Variants in DPP10 observed in about 807,000 individuals in gnomAD.
DPP10 encodes the protein inactive dipeptidyl peptidase 10.
In DPP10, 33 loss-of-function variants were observed where a neutral mutation model predicts 120.9. That is an observed-to-expected ratio of 0.27 (90% CI 0.21 to 0.37). The LOEUF (loss-of-function observed/expected upper bound fraction) is 0.37, where lower values mean the gene tolerates loss of function less well. Ranked by LOEUF, DPP10 falls within the 10% of genes least tolerant of loss-of-function variation. The pLI, the probability that DPP10 is intolerant of heterozygous loss-of-function variation, is 1.00. For synonymous variants in DPP10, 337 were observed against 326.1 expected, an observed-to-expected ratio of 1.03 and a Z score of -0.36; for missense variants, 816 against 942.8, an observed-to-expected ratio of 0.87 and a Z score of 1.76.
intron 1 of DPP10, among the ~76,000 whole-genome samples, chr2:115,059,464 TG>T (rs1157193562): frequency 6.6e-6 from 1 of 151,766 alleles, no homozygotes; most frequent in Middle Eastern, 3.2e-3. Context: ...GTGCTTTGTG[TG>T]GCAGAGCTGT....
At chr2:115,342,437 C>A (rs1189452067) in intron 2 of DPP10, among the ~76,000 whole-genome samples, 2 of 152,106 alleles carry the variant, frequency 1.3e-5, no homozygotes, top group Non-Finnish European at 2.9e-5. Flanking sequence ...TGGCCTGGAG[C>A]TCCTGTCCTC....
At chr2:115,656,503 G>C (rs1316399506) in intron 5 of DPP10, among the ~76,000 whole-genome samples, 1 of 151,512 alleles carries the variant, frequency 6.6e-6, no homozygotes, top group Non-Finnish European at 1.5e-5. Context: ...TATAAAAAAG[G>C]AGAAAGATCA....
chr2:115,443,500 G>A (rs2072271255), intron 3 of DPP10, among the ~76,000 whole-genome samples: 1 of 152,060 alleles, frequency 6.6e-6, no homozygotes, highest in Non-Finnish European at 1.5e-5. Context: ...TTACTCTAAT[G>A]GAATTAAGAA....
chr2:114,653,528 G>A (rs1212613048), intron 1 of DPP10, among the ~76,000 whole-genome samples: 1 of 152,190 alleles, frequency 6.6e-6, no homozygotes. Context: ...TTGGGGTCGG[G>A]AGGTGGGGCA....
chr2:115,659,884 A>C (rs2088762944), intron 5 of DPP10, among the ~76,000 whole-genome samples: 2 of 152,296 alleles, frequency 1.3e-5, no homozygotes, highest in South Asian at 4.1e-4. Flanking sequence ...GCCATGAGTC[A>C]TTTTTAAAAT....
intron 3 of DPP10, among the ~76,000 whole-genome samples, chr2:115,457,843 G>A (rs954553908): frequency 2.6e-5 from 4 of 152,058 alleles, no homozygotes; most frequent in African/African-American, 9.7e-5. Context: ...ATACAGCTAT[G>A]CAAAATCTTG....
At chr2:115,365,337 T>C (rs530043623) in intron 3 of DPP10, among the ~76,000 whole-genome samples, 17 of 152,048 alleles carry the variant, frequency 1.1e-4, no homozygotes, top group African/African-American at 3.4e-4. Flanking sequence ...TAGGAATAAT[T>C]TGGACTCTCA....
intron 1 of DPP10, among the ~76,000 whole-genome samples, chr2:115,096,871 G>A (rs114421068): frequency 0.011 from 1,600 of 152,224 alleles, 10 homozygotes; most frequent in Middle Eastern, 0.044. Context: ...GATACACAGT[G>A]TGTATGATTA....
At chr2:115,601,156 G>A (rs977355) in intron 5 of DPP10, among the ~76,000 whole-genome samples, 150,523 of 152,326 alleles carry the variant, frequency 0.99, 74,399 homozygotes, top group East Asian at 1. Context: ...AAACTATAGC[G>A]GATAGTCATT....
At chr2:115,342,654 A>T (rs1033058355) in intron 2 of DPP10, among the ~76,000 whole-genome samples, 6 of 152,190 alleles carry the variant, frequency 3.9e-5, no homozygotes, top group Non-Finnish European at 5.9e-5. Context: ...GAATTAAGAA[A>T]TTCTGGTGTG....
intron 1 of DPP10, among the ~76,000 whole-genome samples, chr2:115,253,719 G>T (rs2058851566): frequency 6.6e-6 from 1 of 152,238 alleles, no homozygotes; most frequent in Admixed American, 6.5e-5. Context: ...CAAGGGGTTG[G>T]CTCCCAAGGG....
chr2:115,130,480 CCATG>C (rs1270573708), intron 1 of DPP10, among the ~76,000 whole-genome samples: 2 of 145,642 alleles, frequency 1.4e-5, no homozygotes, highest in African/African-American at 5.2e-5. Context: ...ATGCATCCAT[CCATG>C]CATCCATCCA....
chr2:115,440,023 C>T (rs1199299989), intron 3 of DPP10, among the ~76,000 whole-genome samples: 6 of 151,958 alleles, frequency 3.9e-5, no homozygotes, highest in Non-Finnish European at 7.4e-5. Context: ...TTAGGTGCTA[C>T]TATTTCTTAA....
rs141555334 is a variant in DPP10, at chr2:115,371,319, AAAG to A, written c.271+27411_271+27413del. ...AATTTAAGTATAATACAACTGGATG[AAAG>A]AAGGAGTCTCTTACAAAATGTAGCT... is the stretch of plus-strand genomic sequence containing the variant. On this transcript the variant is annotated intron_variant, in intron 3 of 25. Coordinates refer to ENST00000410059, the MANE Select transcript of DPP10 (RefSeq NM_020868.6). 2.8e-4 allele frequency among the ~76,000 whole-genome samples: 43 copies of A among 152,294 alleles called. No individual in the cohort carries two copies. The East Asian group carries it at 7.9e-3, about 28-fold the overall frequency.
At chr2:114,804,181 G>A (rs71418519) in intron 1 of DPP10, among the ~76,000 whole-genome samples, 6,447 of 152,310 alleles carry the variant, frequency 0.042, 179 homozygotes, top group South Asian at 0.099. Context: ...AGGCTGTGGG[G>A]GCACAGAAGT....
At chr2:114,953,946 A>G (rs1697992128) in intron 1 of DPP10, among the ~76,000 whole-genome samples, 1 of 152,126 alleles carries the variant, frequency 6.6e-6, no homozygotes, top group African/African-American at 2.4e-5. Flanking sequence ...TACATATAAA[A>G]TTGCTTAAAT....
chr2:115,199,516 G>C (rs1181833577), intron 1 of DPP10, among the ~76,000 whole-genome samples: 1 of 151,900 alleles, frequency 6.6e-6, no homozygotes, highest in East Asian at 1.9e-4. Context: ...TGAACTACTA[G>C]TTCTTGGTTT....
intron 5 of DPP10, among the ~76,000 whole-genome samples, chr2:115,567,914 G>A (rs770911649): frequency 5.3e-5 from 8 of 152,150 alleles, no homozygotes; most frequent in Admixed American, 1.3e-4. Flanking sequence ...AGTGGCTCAC[G>A]CCTGTAATCC....
At chr2:114,791,760 A>C (rs927443462) in intron 1 of DPP10, among the ~76,000 whole-genome samples, 57 of 152,330 alleles carry the variant, frequency 3.7e-4, no homozygotes, top group Middle Eastern at 6.8e-3. Context: ...AAGTGGAAGA[A>C]AACATCAGAA....
Sources: allele counts gnomAD v4.1 joint callset (sites outside exome capture counted in the v4.1 genomes callset), GRCh38; gene constraint gnomAD v4.1.1; transcripts MANE v1.5; gene names NCBI Gene and HGNC (gene_info 2026-07-23, HGNC 2026-07-21).